The following RGS6 variants were observed in gnomAD, a reference collection of about 807,000 sequenced individuals.
The protein encoded by RGS6 is regulator of G protein signaling 6, also known as regulator of G-protein signaling 6.
RGS6 carries 30 observed loss-of-function variants against 78.5 expected under a neutral mutation model. The observed-to-expected ratio is 0.38, with a 90% CI of 0.29 to 0.52. The LOEUF (loss-of-function observed/expected upper bound fraction) is 0.52. Ranked by LOEUF, RGS6 falls within the 20% of genes least tolerant of loss-of-function variation. The pLI is 0.85. For missense variants in RGS6, 495 were observed against 609.7 expected, an observed-to-expected ratio of 0.81 and a Z score of 1.98; for synonymous variants, 206 against 206.0, an observed-to-expected ratio of 1.00 and a Z score of 0.00.
rs757877122 is a variant in RGS6 at position 72,562,786 on chromosome 14, T to C, written c.*319T>C. On this transcript the variant is annotated 3_prime_UTR_variant, in exon 18 of 18. Transcript: ENST00000553525. ...TTCAGGGGAGAACACGTCGTGGGGT[T>C]CCTGTCACGACTATCACTTGAGATT... The C allele has an allele frequency of 1.0e-4, 153 of 1,492,572 alleles. No homozygotes were observed. Among genetic ancestry groups the C allele is most frequent in the Middle Eastern group, 6.8e-4 (4 of 5,904 alleles). 92.5% of individuals were successfully genotyped at this position (1,492,572 alleles called of 1,614,324 possible).
intron 3 of RGS6, among the ~76,000 whole-genome samples, chr14:72,439,567 C>T (rs1240228473): frequency 6.6e-6 from 1 of 152,224 alleles, no homozygotes; most frequent in Non-Finnish European, 1.5e-5. Context: ...CTCTACAAGG[C>T]TATCGCTAAG....
At chr14:72,153,934 G>A (rs768132149) in intron 2 of RGS6, among the ~76,000 whole-genome samples, 1 of 152,060 alleles carries the variant, frequency 6.6e-6, no homozygotes, top group African/African-American at 2.4e-5. Context: ...AATTTACCAG[G>A]GTGGAGTTTC....
At chr14:72,391,471 G>A (rs991181826) in intron 3 of RGS6, among the ~76,000 whole-genome samples, 3 of 152,274 alleles carry the variant, frequency 2.0e-5, no homozygotes, top group Admixed American at 6.5e-5. Context: ...GGCTTTCCCC[G>A]CAGTGACAGA....
chr14:72,420,901 T>G lies in RGS6; in HGVS notation c.185-33627T>G, dbSNP rs555547236. ...TTTTTCTTAACTGAAGGCAGTTGCC[T>G]GCAGAAGCCTTGTGGCTTTCCAGAG... On this transcript the variant is annotated intron_variant, in intron 3 of 17. Transcript: ENST00000553525. 5.3e-5 allele frequency: 8 copies of G among 152,326 alleles called. No homozygotes were observed. The South Asian group carries it at 1.5e-3, about 28-fold the overall frequency. The allele number at this position is 152,326 out of a possible 1,614,324, so 9.4% of individuals were successfully genotyped here.
chr14:72,626,925 C>CTT, the RGS6 span, among the ~76,000 whole-genome samples: 6,779 of 139,708 alleles, frequency 0.049, 332 homozygotes, highest in East Asian at 0.15. Flanking sequence ...TGCATTTGAA[C>CTT]TTTTTTTTTT....
chr14:72,592,706 C>G, the RGS6 span, among the ~76,000 whole-genome samples: 6 of 152,182 alleles, frequency 3.9e-5, no homozygotes, highest in Non-Finnish European at 8.8e-5. Flanking sequence ...AGGTACCTGT[C>G]CCTCATCTCA....
At chr14:72,356,788 A>G (rs1053290653) in intron 3 of RGS6, among the ~76,000 whole-genome samples, 1 of 152,236 alleles carries the variant, frequency 6.6e-6, no homozygotes. Flanking sequence ...CTTCCATGTG[A>G]AGACAATGTA....
At chr14:72,440,969 G>A (rs1372563345) in intron 3 of RGS6, among the ~76,000 whole-genome samples, 1 of 152,156 alleles carries the variant, frequency 6.6e-6, no homozygotes. Flanking sequence ...TATGTGTGTT[G>A]CATCTGTGCG....
intron 2 of RGS6, among the ~76,000 whole-genome samples, chr14:72,091,977 T>C (rs970429441): frequency 1.3e-5 from 2 of 151,446 alleles, no homozygotes; most frequent in African/African-American, 4.8e-5. Context: ...TTCACTAGGT[T>C]TAGTAATTAG....
At chr14:71,983,358 A>G (rs1189067184) in intron 2 of RGS6, among the ~76,000 whole-genome samples, 1 of 152,266 alleles carries the variant, frequency 6.6e-6, no homozygotes. Flanking sequence ...TTTAGAAAAC[A>G]GGAAGTAACT....
At chr14:72,031,062 CATAAAT>C (rs1387959084) in intron 2 of RGS6, among the ~76,000 whole-genome samples, 5 of 151,184 alleles carry the variant, frequency 3.3e-5, no homozygotes, top group Non-Finnish European at 7.4e-5. Context: ...TGTGGGTAAG[CATAAAT>C]ATATACTGAA....
chr14:71,886,230 A>G, the RGS6 span, among the ~76,000 whole-genome samples: 1 of 152,204 alleles, frequency 6.6e-6, no homozygotes. Flanking sequence ...CTCCAGGTAA[A>G]GTAGCTTCAT....
At position 72,053,132 on chromosome 14, in the gene RGS6, T is replaced by TTCCTTC. The variant is rs1404647087; in HGVS notation, c.84+88257_84+88258insTCCTTC. Among the ~76,000 whole-genome samples, 105 of 88,374 alleles carry TTCCTTC rather than the reference T, an allele frequency of 1.2e-3. 1 individual carries two copies. The highest frequency in any genetic ancestry group is 1.9e-3 in the Non-Finnish European group (85 of 44,568). 58.0% of individuals were successfully genotyped at this position (88,374 alleles called of 152,430 possible). A position where few individuals can be genotyped will look rare whatever the true frequency, so the allele number is the denominator to read the frequency against. Reference sequence around the variant, plus strand: ...TCCTTCCTTCCTTCCTTCCTTCCTTTCTTTTTTTGATGGAGTCTCGCTCTG... The same window carrying TTCCTTC: ...TCCTTCCTTCCTTCCTTCCTTCCTTTTCCTTCCTTTTTTTGATGGAGTCTCGCTCTG... On this transcript the variant is annotated intron_variant, in intron 2 of 17. Transcript: ENST00000553525.
At chr14:72,477,718 A>G (rs1458398275) in intron 11 of RGS6, among the ~76,000 whole-genome samples, 1 of 151,458 alleles carries the variant, frequency 6.6e-6, no homozygotes, top group Non-Finnish European at 1.5e-5. Flanking sequence ...AATCACTTGA[A>G]TCTGAGAGGT....
chr14:72,121,245 A>C (rs2096043937), intron 2 of RGS6, among the ~76,000 whole-genome samples: 1 of 152,190 alleles, frequency 6.6e-6, no homozygotes, highest in Admixed American at 6.5e-5. Context: ...CCTCCAGTGA[A>C]ACCAGAACTG....
intron 2 of RGS6, among the ~76,000 whole-genome samples, chr14:72,350,282 G>T (rs909962695): frequency 1.3e-5 from 2 of 152,132 alleles, no homozygotes; most frequent in Non-Finnish European, 2.9e-5. Context: ...CTGATTTTCT[G>T]GGAGGCAGAA....
intron 3 of RGS6, among the ~76,000 whole-genome samples, chr14:72,407,208 G>A (rs1343456256): frequency 6.6e-6 from 1 of 152,158 alleles, no homozygotes; most frequent in African/African-American, 2.4e-5. Flanking sequence ...TGATAGTTCT[G>A]GGAGGATCTG....
intron 2 of RGS6, among the ~76,000 whole-genome samples, chr14:72,185,950 G>A (rs1431738279): frequency 2.6e-5 from 4 of 152,190 alleles, no homozygotes; most frequent in African/African-American, 7.2e-5. Flanking sequence ...ATTATAATTC[G>A]TACATAATTT....
chr14:71,964,623 G>A (rs545964367), intron 1 of RGS6, 149 bp from the exon 2 acceptor site: 36 of 585,820 alleles, frequency 6.1e-5, no homozygotes, highest in African/African-American at 9.4e-5. Context: ...TAGTAAGACT[G>A]CAATCATCCC....
Sources: gnomAD v4.1 joint callset for allele counts (sites outside exome capture counted in the v4.1 genomes callset) on GRCh38, gnomAD v4.1.1 for gene constraint, MANE v1.5 for transcripts, NCBI Gene and HGNC (gene_info 2026-07-23, HGNC 2026-07-21) for gene names.